Variants in RACGAP1 observed in about 807,000 individuals in gnomAD.
RACGAP1 encodes the protein rac GTPase-activating protein 1.
A neutral mutation model predicts 78.1 loss-of-function variants in RACGAP1; 30 were observed. The ratio of observed to expected loss-of-function variants is 0.38; its 90% confidence interval spans 0.29 to 0.52. RACGAP1 has a LOEUF of 0.52. Ranked by LOEUF, RACGAP1 falls within the 20% of genes least tolerant of loss-of-function variation. The probability of loss-of-function intolerance (pLI) is 0.82; values close to 1 mark genes in which losing one functional copy is unlikely to be tolerated. For synonymous variants in RACGAP1, 231 were observed against 264.8 expected (o/e 0.87, Z 1.24); for missense variants, 587 against 777.1 (o/e 0.76, Z 2.91).
chr12:50,026,474 G>A (rs958425922), upstream of RACGAP1, among the ~76,000 whole-genome samples: 7 of 152,164 alleles, frequency 4.6e-5, no homozygotes, highest in African/African-American at 7.2e-5. Flanking sequence ...AGTGACTGTA[G>A]TTAATAACAA....
At chr12:50,025,659 G>GTT (rs1555180835), upstream of RACGAP1, 19 of 632,922 alleles carry the variant, frequency 3.0e-5, no homozygotes, top group South Asian at 1.5e-4. Context: ...ACGGTTTTTC[G>GTT]GTTTTTTTTG....
At chr12:50,007,427 T>C (rs1444949648) in intron 2 of RACGAP1, among the ~76,000 whole-genome samples, 1 of 152,208 alleles carries the variant, frequency 6.6e-6, no homozygotes, top group African/African-American at 2.4e-5. Context: ...TGTTCTGCAA[T>C]GTATTTGCAA....
chr12:50,025,525 C>T (rs374598121), upstream of RACGAP1: 84 of 985,508 alleles, frequency 8.5e-5, no homozygotes, highest in African/African-American at 1.4e-3. Flanking sequence ...GAAATTTATT[C>T]CTCCCGCGCC....
In RACGAP1 at chr12:50,025,397, C is replaced by T; in HGVS notation, c.-5+1G>A. The T allele has an allele frequency of 1.0e-6, 1 of 985,782 alleles. No individual in the cohort carries two copies. Among genetic ancestry groups the T allele is most frequent in the South Asian group, 4.7e-5 (1 of 21,306 alleles). 61.1% of individuals were successfully genotyped at this position (985,782 alleles called of 1,614,324 possible). On this transcript the variant is annotated splice_donor_variant, in intron 1 of 16. Coordinates refer to ENST00000312377, the MANE Select transcript of RACGAP1 (RefSeq NM_001319999.2). LOFTEE classifies it low-confidence loss of function (5UTR_SPLICE). The stretch of plus-strand genomic sequence containing the variant: ...CCTGGTCTGGCACCCCCACTACTCA[C>T]TTCAGTCAGCCTGGCCCCACCTGGG...
In RACGAP1 at chr12:49,992,585, C is replaced by G; in HGVS notation, c.1410G>C (p.Arg470Ser). Reference sequence around the variant, plus strand: ...GAATCATGAGGAAAGCTAATGTGTCCCTGTTGGCCTGGGGCAGTTCACCAA... The same window carrying G: ...GAATCATGAGGAAAGCTAATGTGTCGCTGTTGGCCTGGGGCAGTTCACCAA... ...QAVGELPQAN[R>S]DTLAFLMIHL... The change falls in exon 13 of 17, where the codon AGG becomes AGC. Residue 470 changes from arginine to serine, a missense_variant. Coordinates refer to ENST00000312377, the MANE Select transcript of RACGAP1 (RefSeq NM_001319999.2). 6.2e-7 allele frequency: 1 copy of G among 1,614,086 alleles called. No homozygotes were observed. Among genetic ancestry groups the G allele is most frequent in the Non-Finnish European group, 8.5e-7 (1 of 1,180,016 alleles).
intron 9 of RACGAP1, among the ~76,000 whole-genome samples, chr12:49,997,987 G>A (rs1283855247): frequency 1.3e-5 from 2 of 152,192 alleles, no homozygotes; most frequent in Non-Finnish European, 2.9e-5. Context: ...AATAGGTTTT[G>A]TTTTCTTCAT....
At chr12:50,033,133 C>T (rs557619266) in exon 1 of RACGAP1, 38 of 152,664 alleles carry the variant, frequency 2.5e-4, no homozygotes, top group African/African-American at 9.1e-4. Flanking sequence ...TCGCTGGGTT[C>T]CGCCTCCCAT....
chr12:50,026,171 A>G (rs566056009), upstream of RACGAP1, among the ~76,000 whole-genome samples: 2 of 152,332 alleles, frequency 1.3e-5, no homozygotes, highest in African/African-American at 4.8e-5. Context: ...TGAGAAATAC[A>G]TTTTACGTTG....
At chr12:50,024,018 G>A (rs940473171) in intron 1 of RACGAP1, among the ~76,000 whole-genome samples, 4 of 151,906 alleles carry the variant, frequency 2.6e-5, no homozygotes, top group African/African-American at 4.8e-5. Context: ...AAAATTAGCC[G>A]GGCGTGGTGA....
In RACGAP1 at chr12:49,991,898, G is replaced by A. The variant is rs554604865; in HGVS notation, c.1714+100C>T. On this transcript the variant is annotated intron_variant, in intron 15 of 16. Transcript: ENST00000312377. ...AGAATTATACAAATTTTCCTTTAAT[G>A]TTAGAATTTTCAAACAGCTCTAGCA... The A allele has an allele frequency of 4.5e-6, 7 of 1,551,078 alleles. No homozygotes were observed. In the East Asian group the frequency reaches 1.1e-4, roughly 25 times the overall value.
At chr12:50,010,935 C>CAAA (rs5798122) in intron 2 of RACGAP1, among the ~76,000 whole-genome samples, 1 of 148,204 alleles carries the variant, frequency 6.7e-6, no homozygotes. Flanking sequence ...AATTCTGTCT[C>CAAA]AAAAAAAAAA....
intron 1 of RACGAP1, among the ~76,000 whole-genome samples, chr12:50,022,504 C>T (rs1236562492): frequency 6.6e-6 from 1 of 152,142 alleles, no homozygotes; most frequent in Non-Finnish European, 1.5e-5. Context: ...ATCGCTTGAA[C>T]CCGAGAGGCA....
intron 2 of RACGAP1, among the ~76,000 whole-genome samples, chr12:50,009,875 G>T (rs1439359806): frequency 6.6e-6 from 1 of 152,164 alleles, no homozygotes; most frequent in South Asian, 2.1e-4. Context: ...CATCTGGTCT[G>T]TGAATCTTTT....
At chr12:50,030,464 G>A (rs920323571), upstream of RACGAP1, among the ~76,000 whole-genome samples, 3 of 152,096 alleles carry the variant, frequency 2.0e-5, no homozygotes, top group African/African-American at 7.2e-5. Flanking sequence ...GAGAAGGGTG[G>A]ATCACTTGAG....
chr12:49,990,075 G>A lies in RACGAP1; in HGVS notation c.*193C>T. The A allele has an allele frequency of 2.1e-6, 1 of 478,666 alleles. No individual in the cohort carries two copies. Among genetic ancestry groups the A allele is most frequent in the Non-Finnish European group, 3.7e-6 (1 of 267,134 alleles). 29.7% of individuals were successfully genotyped at this position (478,666 alleles called of 1,614,324 possible). ...CCAACAATGACCAGCACAAAGTGCTGATATTATGTGACTTGAGGAGAAGGA... is the reference window on the plus strand; with the variant it reads ...CCAACAATGACCAGCACAAAGTGCTAATATTATGTGACTTGAGGAGAAGGA... On this transcript the variant is annotated 3_prime_UTR_variant, in exon 17 of 17. Coordinates refer to ENST00000312377, the MANE Select transcript of RACGAP1 (RefSeq NM_001319999.2).
chr12:50,017,086 T>C (rs948341346), intron 1 of RACGAP1: 15 of 1,010,822 alleles, frequency 1.5e-5, no homozygotes, highest in African/African-American at 1.7e-5. Context: ...TGCCAGTTTA[T>C]TCCTTGTGGG....
intron 2 of RACGAP1, among the ~76,000 whole-genome samples, chr12:50,030,938 C>A (rs1270934372): frequency 6.6e-6 from 1 of 151,206 alleles, no homozygotes; most frequent in Non-Finnish European, 1.5e-5. Context: ...CACCACCATG[C>A]CTGGCTACTT....
At chr12:50,018,506 G>A in intron 1 of RACGAP1, 1 of 1,273,406 alleles carries the variant, frequency 7.9e-7, no homozygotes, top group Non-Finnish European at 1.0e-6. Context: ...TAATGAAATA[G>A]GCAACATACC....
chr12:50,004,133 A>T lies in RACGAP1; in HGVS notation c.495+102T>A, dbSNP rs1000464770. The stretch of plus-strand genomic sequence containing the variant: ...AGAATCTATAACACATCAACTAATA[A>T]AATAGTAATATAGGATGTTCAGAAG... On this transcript the variant is annotated intron_variant, in intron 5 of 16. Coordinates refer to ENST00000312377, the MANE Select transcript of RACGAP1 (RefSeq NM_001319999.2). 6 of 1,414,730 alleles carry T rather than the reference A, an allele frequency of 4.2e-6. No homozygotes were observed. In the East Asian group the frequency reaches 1.3e-4, roughly 30 times the overall value. 87.6% of individuals were successfully genotyped at this position (1,414,730 alleles called of 1,614,324 possible).
Sources: gnomAD v4.1 joint callset for allele counts (sites outside exome capture counted in the v4.1 genomes callset) on GRCh38, gnomAD v4.1.1 for gene constraint, MANE v1.5 for transcripts, NCBI Gene and HGNC (gene_info 2026-07-23, HGNC 2026-07-21) for gene names.